The following NPAT variants were observed in gnomAD, a reference collection of about 807,000 sequenced individuals.
NPAT encodes the protein nuclear protein, coactivator of histone transcription.
A neutral mutation model predicts 130.7 loss-of-function variants in NPAT; 52 were observed. The ratio of observed to expected loss-of-function variants is 0.40; its 90% CI spans 0.32 to 0.50. The LOEUF is 0.50. NPAT is among the 20% of genes least tolerant of loss of function. The probability of loss-of-function intolerance (pLI) is 0.68; values close to 1 mark genes in which losing one functional copy is unlikely to be tolerated. For missense variants in NPAT, 1,687 were observed against 1,662.6 expected (o/e 1.01, Z -0.26); for synonymous variants, 580 against 584.8 (o/e 0.99, Z 0.12).
chr11:108,189,276 T>A lies in NPAT; in HGVS notation c.386A>T (p.Gln129Leu). ...EIKRQRKLASQTAPASAELLT... is the reference protein window; with the variant it reads ...EIKRQRKLASLTAPASAELLT... Reference sequence around the variant, plus strand: ...CAACTCTGCACTGGCTGGAGCTGTTTGAGATGCAAGCTTTCTCTGCCGTTT... The same window carrying A: ...CAACTCTGCACTGGCTGGAGCTGTTAGAGATGCAAGCTTTCTCTGCCGTTT... Residue 129 changes from glutamine to leucine, a missense_variant, in exon 6 of 18, where the codon CAA becomes CTA. By Grantham distance (113) the Gln-to-Leu change is moderately radical. This residue lies in a region of NPAT where 307 missense variants were observed against 298.9 expected (regional missense o/e 1.03). Coordinates refer to ENST00000278612, the MANE Select transcript of NPAT (RefSeq NM_002519.3). The A allele has an allele frequency of 6.2e-7, 1 of 1,614,100 alleles. No homozygotes were observed. The highest frequency in any genetic ancestry group is 1.1e-5 in the South Asian group (1 of 91,084).
At chr11:108,163,751 A>G (rs1228865619) in intron 15 of NPAT, among the ~76,000 whole-genome samples, 4 of 152,212 alleles carry the variant, frequency 2.6e-5, no homozygotes, top group African/African-American at 4.8e-5. Context: ...TTATAGAGAA[A>G]GCAAAGTAAG....
intron 12 of NPAT, among the ~76,000 whole-genome samples, chr11:108,174,917 C>A (rs1036956377): frequency 2.6e-5 from 4 of 152,052 alleles, no homozygotes; most frequent in Non-Finnish European, 5.9e-5. Context: ...CTGTGCCTGG[C>A]CTGGAAAAAG....
At position 108,172,707 on chromosome 11, in the gene NPAT, A is replaced by G; in HGVS notation, c.2277T>C (p.Ala759=). Reference sequence around the variant, plus strand: ...GGTTTTCTCCATTAATACTAGAAACAGCACTGGTAAGTTCAGTATCTGAGG... The same window carrying G: ...GGTTTTCTCCATTAATACTAGAAACGGCACTGGTAAGTTCAGTATCTGAGG... ...FVSSDTELTS[A]VSSINGENLP... is the part of the protein sequence containing the mutation. The change falls in exon 13 of 18, where the codon GCT becomes GCC. Residue 759 remains alanine (A), a synonymous_variant. Coordinates refer to ENST00000278612, the MANE Select transcript of NPAT (RefSeq NM_002519.3). The G allele has an allele frequency of 6.2e-7, 1 of 1,613,776 alleles. No homozygotes were observed. Among genetic ancestry groups the G allele is most frequent in the Non-Finnish European group, 8.5e-7 (1 of 1,180,036 alleles).
At chr11:108,159,859 A>C (rs79930912) in intron 17 of NPAT, among the ~76,000 whole-genome samples, 3 of 151,438 alleles carry the variant, frequency 2.0e-5, no homozygotes, top group African/African-American at 4.9e-5. Context: ...AAAAAAAAAA[A>C]CCAGAAAAAA....
At chr11:108,198,488 G>T (rs2078245027) in intron 1 of NPAT, among the ~76,000 whole-genome samples, 1 of 137,952 alleles carries the variant, frequency 7.2e-6, no homozygotes, top group Non-Finnish European at 1.6e-5. Context: ...GTTGATAAGA[G>T]CAGGAGACAA....
rs565271330 is a variant in NPAT at position 108,197,798 on chromosome 11, C to T, written c.38-378G>A. Among the ~76,000 whole-genome samples, 3 of 152,156 alleles carry T rather than the reference C, an allele frequency of 2.0e-5. No homozygotes were observed. In the South Asian group the frequency reaches 6.2e-4, roughly 31 times the overall value. On this transcript the variant is annotated intron_variant, in intron 1 of 17. Transcript: ENST00000278612. Reference sequence around the variant, plus strand: ...ATTCACTTACTGCGTTATCAGAAAACTATGTTCTCACAACACTGCTATGTA... The same window carrying T: ...ATTCACTTACTGCGTTATCAGAAAATTATGTTCTCACAACACTGCTATGTA...
chr11:108,162,178 T>C lies in NPAT; in HGVS notation c.3013A>G (p.Lys1005Glu). ...QGLRNKPCIG[K>E]QVNNLVDSSG... ...GAATCCACCAAATTATTTACTTGTT[T>C]TCCTGAAATTATAAATGAACATTCC... The change falls in exon 16 of 18, where the codon AAA becomes GAA. Residue 1005 changes from lysine (K) to glutamate (E), a missense_variant and splice_region_variant. Physicochemically the swap from Lys to Glu is moderately conservative, Grantham distance 56. Transcript: ENST00000278612. 3 of 1,613,046 alleles carry C rather than the reference T, an allele frequency of 1.9e-6. No individual in the cohort carries two copies. The highest frequency in any genetic ancestry group is 2.5e-6 in the Non-Finnish European group (3 of 1,179,042).
intron 10 of NPAT, among the ~76,000 whole-genome samples, chr11:108,181,489 T>C (rs2078058189): frequency 6.6e-6 from 1 of 151,910 alleles, no homozygotes. Context: ...CAAAAAAAAC[T>C]TACAGCTATC....
chr11:108,190,761 G>A (rs2078161666), intron 4 of NPAT, among the ~76,000 whole-genome samples: 1 of 152,148 alleles, frequency 6.6e-6, no homozygotes, highest in Admixed American at 6.5e-5. Flanking sequence ...GCATTAGAGT[G>A]CCTTGACATT....
At chr11:108,188,842 T>G (rs3781868) in intron 6 of NPAT, among the ~76,000 whole-genome samples, 82,049 of 152,052 alleles carry the variant, frequency 0.54, 22,693 homozygotes, top group Middle Eastern at 0.74. Flanking sequence ...ATACAACAGC[T>G]TCTTTTTCTC....
intron 15 of NPAT, among the ~76,000 whole-genome samples, chr11:108,164,669 G>C (rs2077884241): frequency 6.6e-6 from 1 of 152,160 alleles, no homozygotes; most frequent in African/African-American, 2.4e-5. Flanking sequence ...AAAAATTCAA[G>C]GTGTGGCTAT....
chr11:108,206,413 G>A (rs1165158112), intron 1 of NPAT, among the ~76,000 whole-genome samples: 1 of 152,168 alleles, frequency 6.6e-6, no homozygotes, highest in Non-Finnish European at 1.5e-5. Context: ...GTGTATGAGT[G>A]AGCTCAGCCA....
At chr11:108,169,607 C>A in intron 15 of NPAT, 137 bp downstream of exon 15, 1 of 709,036 alleles carries the variant, frequency 1.4e-6, no homozygotes. Context: ...TGCATTATGA[C>A]ATCTGTTACT....
intron 1 of NPAT, among the ~76,000 whole-genome samples, chr11:108,215,045 G>C (rs1240480312): frequency 6.6e-6 from 1 of 152,108 alleles, no homozygotes; most frequent in Admixed American, 6.5e-5. Context: ...TGGTCTTTCA[G>C]TCCCACAGAT....
At chr11:108,197,736 A>G (rs900580271) in intron 1 of NPAT, among the ~76,000 whole-genome samples, 2 of 152,270 alleles carry the variant, frequency 1.3e-5, no homozygotes, top group Non-Finnish European at 2.9e-5. Context: ...CCTCTACTGC[A>G]TAACTTCCAT....
chr11:108,161,429 A>T lies in NPAT; in HGVS notation c.3657T>A (p.Asn1219Lys). The change falls in exon 17 of 18, where the codon AAT becomes AAA. Residue 1219 changes from asparagine (N) to lysine (K), a missense_variant. Physicochemically the swap from Asn to Lys is moderately conservative, Grantham distance 94. This residue lies in a region of NPAT where 1,379 missense variants were observed against 1,346.6 expected (regional missense o/e 1.02). Transcript: ENST00000278612. The part of the protein sequence containing the change: ...KKQGTSSNNK[N>K]VLSVGTAVKD... Reference sequence around the variant, plus strand: ...TCACAGCTGTACCTACTGAAAGTACATTTTTATTGTTTGAAGATGTGCCTT... The same window carrying T: ...TCACAGCTGTACCTACTGAAAGTACTTTTTTATTGTTTGAAGATGTGCCTT... 1 of 1,614,174 alleles carries T rather than the reference A, an allele frequency of 6.2e-7. No homozygotes were observed. The highest frequency in any genetic ancestry group is 8.5e-7 in the Non-Finnish European group (1 of 1,180,018).
At chr11:108,179,246 G>A (rs1032073791) in intron 10 of NPAT, among the ~76,000 whole-genome samples, 3 of 152,082 alleles carry the variant, frequency 2.0e-5, no homozygotes, top group African/African-American at 7.2e-5. Context: ...CATTCATTTT[G>A]AGCTAATTTT....
Position 108,157,814 on chromosome 11 carries a change from G to C in NPAT, c.*1128C>G, listed in dbSNP as rs2077810542. On this transcript the variant is annotated 3_prime_UTR_variant, in exon 18 of 18. Coordinates refer to ENST00000278612, the MANE Select transcript of NPAT (RefSeq NM_002519.3). ...AAAGTTTAAACCAATTCTTCAACTG[G>C]ACTGATGTGTGTGAGTCTAATACAG... 6.6e-6 allele frequency: 1 copy of C among 152,410 alleles called. No individual in the cohort carries two copies. The highest frequency in any genetic ancestry group is 2.4e-5 in the African/African-American group (1 of 41,420). The allele number at this position is 152,410 out of a possible 1,614,324, so 9.4% of individuals were successfully genotyped here. A position where few individuals can be genotyped will look rare whatever the true frequency, so the allele number is the denominator to read the frequency against.
intron 1 of NPAT, chr11:108,208,353 G>A: frequency 2.6e-6 from 1 of 392,056 alleles, no homozygotes; most frequent in Non-Finnish European, 5.2e-6. Context: ...ACTTTGGGGA[G>A]GCTGAGGTGG....
Sources: allele counts gnomAD v4.1 joint callset (sites outside exome capture counted in the v4.1 genomes callset), GRCh38; gene constraint gnomAD v4.1.1; regional missense constraint gnomAD v4.1.1; transcripts MANE v1.5; gene names NCBI Gene and HGNC (gene_info 2026-07-23, HGNC 2026-07-21).